DIAPH3: variants seen among roughly 807,000 people sequenced by gnomAD.
DIAPH3 encodes diaphanous related formin 3, also known as protein diaphanous homolog 3.
Under a neutral mutation model 144.3 loss-of-function variants are expected in DIAPH3, and 117 were observed. That is an observed-to-expected ratio of 0.81 (90% CI 0.70 to 0.95). DIAPH3 has a LOEUF of 0.95. DIAPH3 is among the 40% of genes least tolerant of loss of function. The pLI is 0.00. For synonymous variants in DIAPH3, 519 were observed against 488.9 expected (o/e 1.06, Z -0.81); for missense variants, 1,421 against 1,412.7 (o/e 1.01, Z -0.09).
intron 21 of DIAPH3, among the ~76,000 whole-genome samples, chr13:59,863,618 C>G (rs2043735119): frequency 6.6e-6 from 1 of 152,114 alleles, no homozygotes; most frequent in Non-Finnish European, 1.5e-5. Flanking sequence ...GACAGCTTTA[C>G]TTTCACATCA....
intron 5 of DIAPH3, among the ~76,000 whole-genome samples, chr13:60,035,650 G>A (rs2055160834): frequency 6.6e-6 from 1 of 152,088 alleles, no homozygotes; most frequent in Admixed American, 6.6e-5. Context: ...AATAAGCAAT[G>A]CTACTTGTCA....
chr13:60,100,461 T>C (rs1455291615), intron 3 of DIAPH3, among the ~76,000 whole-genome samples: 2 of 152,112 alleles, frequency 1.3e-5, no homozygotes, highest in African/African-American at 4.8e-5. Flanking sequence ...TGATCCTGGA[T>C]TAGATCCTGG....
At chr13:60,099,170 A>G (rs2058191482) in intron 3 of DIAPH3, among the ~76,000 whole-genome samples, 1 of 152,186 alleles carries the variant, frequency 6.6e-6, no homozygotes, top group Non-Finnish European at 1.5e-5. Flanking sequence ...TCCTTAATAT[A>G]CAGATGCTCA....
At chr13:59,871,601 T>C (rs181732890) in intron 21 of DIAPH3, among the ~76,000 whole-genome samples, 1 of 152,360 alleles carries the variant, frequency 6.6e-6, no homozygotes, top group East Asian at 1.9e-4. Context: ...GATTTTCAAA[T>C]GTCGCACCCA....
At position 59,861,576 on chromosome 13, in the gene DIAPH3, G is replaced by A. The variant is rs1304372954; in HGVS notation, c.2608-40C>T. ...AGGGAGAAAAAACACAGAGTCATAAGTATGTTGATATTCTGTCTACTTAAA... is the reference window on the plus strand; with the variant it reads ...AGGGAGAAAAAACACAGAGTCATAAATATGTTGATATTCTGTCTACTTAAA... On this transcript the variant is annotated intron_variant, in intron 21 of 27. Coordinates refer to ENST00000400324, the MANE Select transcript of DIAPH3 (RefSeq NM_001042517.2). The A allele has an allele frequency of 7.0e-6, 11 of 1,579,720 alleles. No individual in the cohort carries two copies. The South Asian group carries it at 1.0e-4, about 14-fold the overall frequency.
At chr13:59,936,892 G>A (rs529672789) in intron 17 of DIAPH3, among the ~76,000 whole-genome samples, 109 of 152,168 alleles carry the variant, frequency 7.2e-4, no homozygotes, top group African/African-American at 2.4e-3. Context: ...AGCTGGGCAC[G>A]GTGGCTCACG....
At chr13:59,867,421 T>C (rs1310466178) in intron 21 of DIAPH3, among the ~76,000 whole-genome samples, 5 of 151,960 alleles carry the variant, frequency 3.3e-5, no homozygotes, top group Admixed American at 1.3e-4. Flanking sequence ...ATTATATAAA[T>C]TAGATACTAA....
chr13:59,682,842 G>A (rs577359260), intron 27 of DIAPH3, among the ~76,000 whole-genome samples: 4 of 152,190 alleles, frequency 2.6e-5, no homozygotes, highest in Admixed American at 2.0e-4. Flanking sequence ...AGTTAGCCTG[G>A]TGTTGTAGTT....
intron 2 of DIAPH3, among the ~76,000 whole-genome samples, chr13:60,116,142 C>G (rs975981228): frequency 3.9e-5 from 6 of 152,078 alleles, no homozygotes; most frequent in South Asian, 4.1e-4. Flanking sequence ...GAGCAATCAA[C>G]AGTTGTCTAT....
intron 19 of DIAPH3, 75 bp downstream of exon 19, chr13:59,916,080 C>T (rs982080139): frequency 7.7e-7 from 1 of 1,305,466 alleles, no homozygotes; most frequent in Admixed American, 1.7e-5. Flanking sequence ...AAGAATTTTG[C>T]TTCACTTACA....
chr13:59,990,170 A>G (rs1246605267), intron 12 of DIAPH3, among the ~76,000 whole-genome samples: 1 of 151,898 alleles, frequency 6.6e-6, no homozygotes, highest in African/African-American at 2.4e-5. Flanking sequence ...ATATTTTAGA[A>G]TATCAGTGGG....
At chr13:60,106,746 C>T (rs2058431318) in intron 3 of DIAPH3, among the ~76,000 whole-genome samples, 1 of 151,972 alleles carries the variant, frequency 6.6e-6, no homozygotes, top group African/African-American at 2.4e-5. Flanking sequence ...AAGAGTAAAG[C>T]AAAGGGCCAA....
At chr13:59,987,908 T>G (rs1367060644) in intron 12 of DIAPH3, among the ~76,000 whole-genome samples, 2 of 151,832 alleles carry the variant, frequency 1.3e-5, no homozygotes, top group Non-Finnish European at 2.9e-5. Context: ...TTGGGTACTA[T>G]TCTAATGAAG....
intron 27 of DIAPH3, among the ~76,000 whole-genome samples, chr13:59,688,885 A>C (rs2033355855): frequency 6.6e-6 from 1 of 152,094 alleles, no homozygotes; most frequent in South Asian, 2.1e-4. Context: ...GAAGACAATG[A>C]AAAAAACTCA....
chr13:59,844,139 TA>T (rs2042494993), intron 22 of DIAPH3, among the ~76,000 whole-genome samples: 1 of 152,138 alleles, frequency 6.6e-6, no homozygotes. Context: ...TTGGTGTTTT[TA>T]TTTTTTCAGC....
chr13:59,928,484 T>C (rs1355562804), intron 17 of DIAPH3, among the ~76,000 whole-genome samples: 1 of 152,196 alleles, frequency 6.6e-6, no homozygotes, highest in African/African-American at 2.4e-5. Flanking sequence ...TAAAGTGATA[T>C]CTGTGCACCT....
At position 60,004,295 on chromosome 13, in the gene DIAPH3, T is replaced by A. The variant is rs2052721818; in HGVS notation, c.1014+4249A>T. Reference sequence around the variant, plus strand: ...ACAAATAGTTTTATAGGAAAATTGATAGCCAGCCACCTCAAAATTTACTTT... The same window carrying A: ...ACAAATAGTTTTATAGGAAAATTGAAAGCCAGCCACCTCAAAATTTACTTT... On this transcript the variant is annotated intron_variant, in intron 9 of 27. Transcript: ENST00000400324. Among the ~76,000 whole-genome samples, 6 of 152,336 alleles carry A rather than the reference T, an allele frequency of 3.9e-5. 1 individual carries two copies. The South Asian group carries it at 1.2e-3, about 32-fold the overall frequency.
chr13:59,814,985 G>A (rs566859202), intron 24 of DIAPH3, among the ~76,000 whole-genome samples: 1 of 152,110 alleles, frequency 6.6e-6, no homozygotes, highest in South Asian at 2.1e-4. Flanking sequence ...ATGTCTTCTG[G>A]TTTCATCTAT....
At chr13:59,873,175 G>A (rs1284044307) in intron 21 of DIAPH3, among the ~76,000 whole-genome samples, 1 of 152,104 alleles carries the variant, frequency 6.6e-6, no homozygotes, top group African/African-American at 2.4e-5. Context: ...AATAAGAATG[G>A]CATTTGTTAT....
Sources: gnomAD v4.1 joint callset for allele counts (sites outside exome capture counted in the v4.1 genomes callset) on GRCh38, gnomAD v4.1.1 for gene constraint, MANE v1.5 for transcripts, NCBI Gene and HGNC (gene_info 2026-07-23, HGNC 2026-07-21) for gene names.